NBAS: variants seen among roughly 807,000 people sequenced by gnomAD.
NBAS encodes the protein NAG/BC035112 fusion.
Under a neutral mutation model 302.5 loss-of-function variants are expected in NBAS, and 219 were observed. The observed-to-expected ratio is 0.72, with a 90% CI of 0.65 to 0.81. NBAS has a LOEUF of 0.81. Among genes scored for constraint, NBAS ranks in the 30% least tolerant of loss-of-function variants. The probability of loss-of-function intolerance (pLI) is 0.00; values close to 1 mark genes in which losing one functional copy is unlikely to be tolerated. For synonymous variants in NBAS, 1,118 were observed against 1,021.6 expected (o/e 1.09, Z -1.80); for missense variants, 2,932 against 2,841.6 (o/e 1.03, Z -0.72).
chr2:15,258,731 C>G (rs1668717194), intron 44 of NBAS, among the ~76,000 whole-genome samples: 3 of 152,182 alleles, frequency 2.0e-5, no homozygotes, highest in Admixed American at 2.0e-4. Flanking sequence ...ACGTGCACAG[C>G]TGAACATAGA....
intron 35 of NBAS, among the ~76,000 whole-genome samples, chr2:15,331,780 T>A (rs1403075140): frequency 6.6e-6 from 1 of 152,202 alleles, no homozygotes; most frequent in African/African-American, 2.4e-5. Flanking sequence ...GGGCCCCCAA[T>A]GATAGCCATA....
At chr2:15,039,982 G>A in the NBAS span, among the ~76,000 whole-genome samples, 2 of 152,216 alleles carry the variant, frequency 1.3e-5, no homozygotes, top group African/African-American at 2.4e-5. Context: ...GCATCTTCAA[G>A]ACGGTGATCC....
chr2:15,246,301 A>G (rs2147969887), intron 44 of NBAS, among the ~76,000 whole-genome samples: 1 of 152,330 alleles, frequency 6.6e-6, no homozygotes, highest in East Asian at 1.9e-4. Context: ...ATCAAAGAAT[A>G]TTGCATTGAA....
At chr2:15,439,482 T>TAA (rs763284660) in intron 21 of NBAS, among the ~76,000 whole-genome samples, 1,865 of 144,998 alleles carry the variant, frequency 0.013, 30 homozygotes, top group East Asian at 0.059. Flanking sequence ...AGGGATAAAT[T>TAA]AAAAAAAAAA....
intron 29 of NBAS, among the ~76,000 whole-genome samples, chr2:15,380,343 G>C (rs192683062): frequency 1.3e-5 from 2 of 152,212 alleles, no homozygotes; most frequent in East Asian, 1.9e-4. Flanking sequence ...GCTTCCCAAA[G>C]TGTTGGGATT....
At chr2:15,446,344 A>C (rs1678743445) in intron 21 of NBAS, among the ~76,000 whole-genome samples, 1 of 152,228 alleles carries the variant, frequency 6.6e-6, no homozygotes, top group Admixed American at 6.5e-5. Context: ...AACAAAGATA[A>C]AGAATGACAG....
At chr2:15,469,165 T>C (rs1371966266) in intron 16 of NBAS, among the ~76,000 whole-genome samples, 3 of 152,292 alleles carry the variant, frequency 2.0e-5, no homozygotes, top group South Asian at 2.1e-4. Flanking sequence ...CCTGGATTCA[T>C]TGATTTTTTG....
chr2:14,849,915 G>C, the NBAS span, among the ~76,000 whole-genome samples: 4 of 137,862 alleles, frequency 2.9e-5, no homozygotes, highest in African/African-American at 1.3e-4. Context: ...TGCCCTAAAA[G>C]AGCTCCTGAA....
chr2:15,464,944 T>G (rs1679659139), intron 19 of NBAS, among the ~76,000 whole-genome samples: 2 of 152,240 alleles, frequency 1.3e-5, no homozygotes, highest in Admixed American at 6.5e-5. Context: ...CAGCATGGGC[T>G]ACTCGTCAGA....
chr2:14,915,564 G>A, the NBAS span, among the ~76,000 whole-genome samples: 1 of 151,922 alleles, frequency 6.6e-6, no homozygotes, highest in Non-Finnish European at 1.5e-5. Context: ...AGATCTGATG[G>A]GTTTTTTTTG....
intron 27 of NBAS, 104 bp from the exon 28 acceptor site, chr2:15,394,453 A>G (rs1675768188): frequency 8.2e-7 from 1 of 1,226,188 alleles, no homozygotes. Context: ...TTAAAAAAAA[A>G]TTATCCCATA....
At chr2:14,907,320 T>C in the NBAS span, among the ~76,000 whole-genome samples, 1 of 152,210 alleles carries the variant, frequency 6.6e-6, no homozygotes, top group Non-Finnish European at 1.5e-5. Context: ...GCAACGCACT[T>C]ACTCAAGCAC....
intron 48 of NBAS, among the ~76,000 whole-genome samples, chr2:15,206,212 T>C (rs372965173): frequency 1.3e-5 from 2 of 152,210 alleles, no homozygotes; most frequent in South Asian, 4.1e-4. Flanking sequence ...ACTCTTGCTA[T>C]GCTTTAGAGA....
intron 51 of NBAS, among the ~76,000 whole-genome samples, chr2:15,173,796 T>C (rs1664407197): frequency 6.6e-6 from 1 of 152,234 alleles, no homozygotes; most frequent in Non-Finnish European, 1.5e-5. Context: ...GGCCCTGATC[T>C]GGCTAGTTCC....
chr2:15,044,226 C>T, the NBAS span, among the ~76,000 whole-genome samples: 52,231 of 152,050 alleles, frequency 0.34, 10,571 homozygotes, highest in East Asian at 0.58. Flanking sequence ...TTCTGTAAGA[C>T]TACCTGCTAA....
At chr2:15,510,694 G>A (rs1041535836) in intron 10 of NBAS, among the ~76,000 whole-genome samples, 13 of 152,148 alleles carry the variant, frequency 8.5e-5, no homozygotes, top group Non-Finnish European at 1.2e-4. Context: ...ATGAATGGAT[G>A]GATGGATGAA....
chr2:15,016,048 T>C, the NBAS span, among the ~76,000 whole-genome samples: 1 of 151,522 alleles, frequency 6.6e-6, no homozygotes, highest in African/African-American at 2.4e-5. Context: ...AAAAAAAAAA[T>C]ACCTTGTATA....
chr2:15,325,233 A>G (rs751262458), intron 38 of NBAS, among the ~76,000 whole-genome samples: 4 of 152,248 alleles, frequency 2.6e-5, no homozygotes, highest in Admixed American at 2.0e-4. Context: ...CAATAAAGCA[A>G]ATATTGCAAT....
intron 44 of NBAS, among the ~76,000 whole-genome samples, chr2:15,262,954 T>C (rs1370602994): frequency 1.3e-5 from 2 of 152,162 alleles, no homozygotes; most frequent in Admixed American, 1.3e-4. Flanking sequence ...AAATACAGTA[T>C]GAAAACAAAT....
Sources: allele counts gnomAD v4.1 joint callset (sites outside exome capture counted in the v4.1 genomes callset), GRCh38; gene constraint gnomAD v4.1.1; transcripts MANE v1.5; gene names NCBI Gene and HGNC (gene_info 2026-07-23, HGNC 2026-07-21).